The following FILIP1 variants were observed in gnomAD, a reference collection of about 807,000 sequenced individuals.
FILIP1 encodes filamin A interacting protein 1, also known as filamin-A-interacting protein 1.
Under a neutral mutation model 102.1 loss-of-function variants are expected in FILIP1, and 61 were observed. That is an observed-to-expected ratio of 0.60 (90% CI 0.49 to 0.74). The LOEUF is 0.74. Ranked by LOEUF, FILIP1 falls within the 30% of genes least tolerant of loss-of-function variation. The probability of loss-of-function intolerance (pLI) is 0.00; values close to 1 mark genes in which losing one functional copy is unlikely to be tolerated. For missense variants in FILIP1, 1,314 were observed against 1,441.2 expected, an observed-to-expected ratio of 0.91 and a Z score of 1.43; for synonymous variants, 491 against 526.9, an observed-to-expected ratio of 0.93 and a Z score of 0.93.
chr6:75,308,939 G>T lies in FILIP1; in HGVS notation c.3436-42C>A. 3 of 1,605,402 alleles carry T rather than the reference G, an allele frequency of 1.9e-6. No individual in the cohort carries two copies. The South Asian group carries it at 3.3e-5, about 18-fold the overall frequency. On this transcript the variant is annotated intron_variant, in intron 5 of 5. Transcript: ENST00000237172. ...ACGTAGATACAAGGGAGATGTTGGT[G>T]AGTTTCCTCTGGATATGCCATCAAT...
intron 2 of FILIP1, among the ~76,000 whole-genome samples, chr6:75,380,339 T>C (rs1163708934): frequency 7.3e-6 from 1 of 137,312 alleles, no homozygotes; most frequent in East Asian, 1.9e-4. Context: ...AAGGTATAAA[T>C]AGACAGTTCA....
chr6:75,323,432 G>A (rs1015101349), intron 4 of FILIP1, among the ~76,000 whole-genome samples: 2 of 152,184 alleles, frequency 1.3e-5, no homozygotes, highest in African/African-American at 4.8e-5. Context: ...GATAAAGGGA[G>A]AAAGATTGTA....
intron 1 of FILIP1, among the ~76,000 whole-genome samples, chr6:75,486,793 A>G (rs540576394): frequency 6.6e-6 from 1 of 152,288 alleles, no homozygotes; most frequent in South Asian, 2.1e-4. Context: ...CCTGGCACAT[A>G]GTAATATTCT....
At chr6:75,406,655 A>G (rs1776857249) in intron 2 of FILIP1, among the ~76,000 whole-genome samples, 2 of 130,524 alleles carry the variant, frequency 1.5e-5, no homozygotes, top group South Asian at 2.5e-4. Context: ...TCGAATAGCA[A>G]TGTTTCTTTT....
Position 75,312,567 on chromosome 6 carries a change from C to G in FILIP1, c.3265G>C (p.Val1089Leu). The G allele has an allele frequency of 5.6e-6, 9 of 1,614,246 alleles. No homozygotes were observed. The highest frequency in any genetic ancestry group is 7.6e-6 in the Non-Finnish European group (9 of 1,180,040). Residue 1089 changes from valine to leucine, a missense_variant, in exon 5 of 6, where the codon GTT (valine) becomes CTT (leucine). Around this residue, in one of 3 missense-constraint regions of FILIP1, gnomAD observed 816 missense variants for 913.1 expected, o/e 0.89. Transcript: ENST00000237172. ...PGTSGEGVSP[V>L]ITVRPVNVTA... ...ACGTTTACTGGTCGGACAGTAATAA[C>G]TGGACTGACTCCTTCACCTGAAGTC...
rs766142448 is a variant in FILIP1 at position 75,312,397 on chromosome 6, CACT to C, written c.3432_3434del (p.Val1145del). 3.1e-6 allele frequency: 5 copies of C among 1,611,986 alleles called. No homozygotes were observed. The African/African-American group carries it at 6.7e-5, about 22-fold the overall frequency. ...GCGCTTTGGAGCCTCTTCTACTCAC[CACT>C]GACTGGGTTCCTCGAGCAGATGACG... On this transcript the variant is annotated inframe_deletion and splice_region_variant, in exon 5 of 6. Transcript: ENST00000237172.
intron 2 of FILIP1, among the ~76,000 whole-genome samples, chr6:75,406,040 A>G (rs1448631207): frequency 6.6e-6 from 1 of 152,182 alleles, no homozygotes; most frequent in Admixed American, 6.5e-5. Context: ...AATGTTCCCA[A>G]TGAAATTAAA....
At position 75,313,716 on chromosome 6, in the gene FILIP1, G is replaced by C; in HGVS notation, c.2116C>G (p.Leu706Val). The C allele has an allele frequency of 2.6e-6, 4 of 1,565,290 alleles. No individual in the cohort carries two copies. The highest frequency in any genetic ancestry group is 3.4e-6 in the Non-Finnish European group (4 of 1,160,876). The stretch of plus-strand genomic sequence containing the variant: ...TCTTCCAACCGAAATCTGTGTCTCA[G>C]TTCAGCTTCCTGGCTCACAACCTCA... ...KGEVVSQEAE[L>V]RHRFRLEEAK... Residue 706 changes from leucine to valine, a missense_variant, in exon 5 of 6, where the codon CTG (leucine) becomes GTG (valine). By Grantham distance (32) the Leu-to-Val change is conservative. Coordinates refer to ENST00000237172, the MANE Select transcript of FILIP1 (RefSeq NM_015687.5). This position sits in a 1 kb window ranked among gnomAD's most constrained non-coding sequence, Gnocchi z 4.2.
chr6:75,318,228 C>CTTTTTTTTT (rs35536817), intron 4 of FILIP1, among the ~76,000 whole-genome samples: 1 of 102,894 alleles, frequency 9.7e-6, no homozygotes, highest in Non-Finnish European at 2.0e-5. Flanking sequence ...ATTATACAGT[C>CTTTTTTTTT]TTTTTTTTTT....
Position 75,362,926 on chromosome 6 carries a change from G to T in FILIP1, c.277-9C>A, listed in dbSNP as rs770982257. Reference sequence around the variant, plus strand: ...ATCACATCTTCTCTGGCCTGTAATAGAAAGTGCAGCAAGATCAGACGACTG... The same window carrying T: ...ATCACATCTTCTCTGGCCTGTAATATAAAGTGCAGCAAGATCAGACGACTG... On this transcript the variant is annotated splice_polypyrimidine_tract_variant and intron_variant, in intron 2 of 5. Coordinates refer to ENST00000237172, the MANE Select transcript of FILIP1 (RefSeq NM_015687.5). 3.7e-6 allele frequency: 6 copies of T among 1,612,650 alleles called. No individual in the cohort carries two copies. In the South Asian group the frequency reaches 6.6e-5, roughly 18 times the overall value.
intron 1 of FILIP1, among the ~76,000 whole-genome samples, chr6:75,462,543 A>C (rs1396250519): frequency 6.6e-6 from 1 of 152,106 alleles, no homozygotes; most frequent in African/African-American, 2.4e-5. Context: ...ATAAGGTTAA[A>C]TCTTATTAAA....
In FILIP1 at chr6:75,314,980, G is replaced by T; in HGVS notation, c.852C>A (p.Ala284=). The change falls in exon 5 of 6, where the codon GCC becomes GCA. Residue 284 remains alanine, a synonymous_variant. Coordinates refer to ENST00000237172, the MANE Select transcript of FILIP1 (RefSeq NM_015687.5). ...KLREEEEKLK[A]ITSKSKEDRQ... ...TGTCTTCTTTGGATTTGGAAGTAAT[G>T]GCTTTGAGCTTCTCTTCTTCTTCCC... 1 of 1,613,998 alleles carries T rather than the reference G, an allele frequency of 6.2e-7. No individual in the cohort carries two copies. The highest frequency in any genetic ancestry group is 1.1e-5 in the South Asian group (1 of 91,048).
chr6:75,425,995 T>C (rs1237886467), intron 1 of FILIP1, among the ~76,000 whole-genome samples: 1 of 152,144 alleles, frequency 6.6e-6, no homozygotes, highest in Non-Finnish European at 1.5e-5. Flanking sequence ...ATTAAATATT[T>C]TAGGCTTTGC....
intron 4 of FILIP1, among the ~76,000 whole-genome samples, chr6:75,320,414 C>CA (rs748694216): frequency 4.1e-4 from 62 of 151,534 alleles, no homozygotes; most frequent in African/African-American, 1.1e-3. Context: ...CAAAACAAAG[C>CA]AAAAAAACAA....
intron 1 of FILIP1, among the ~76,000 whole-genome samples, chr6:75,489,575 A>G (rs1011343504): frequency 3.3e-5 from 5 of 152,108 alleles, no homozygotes; most frequent in Non-Finnish European, 7.4e-5. Context: ...TGTTCAAAAA[A>G]ACTTCATAAG....
chr6:75,311,409 T>C lies in FILIP1; in HGVS notation c.3435+988A>G, dbSNP rs909085782. On this transcript the variant is annotated intron_variant, in intron 5 of 5. Coordinates refer to ENST00000237172, the MANE Select transcript of FILIP1 (RefSeq NM_015687.5). ...ATGTTTTGCCCTGTTCCCAGGCTGG[T>C]AGAATTTAAGTTCCGGCTTTTGTGC... Among the ~76,000 whole-genome samples, 3 of 151,324 alleles carry C rather than the reference T, an allele frequency of 2.0e-5. No homozygotes were observed. The Admixed American group carries it at 2.0e-4, about 10-fold the overall frequency.
At chr6:75,332,388 G>T (rs1357665176) in intron 4 of FILIP1, among the ~76,000 whole-genome samples, 1 of 152,272 alleles carries the variant, frequency 6.6e-6, no homozygotes, top group African/African-American at 2.4e-5. Context: ...CCAGGTGAAT[G>T]AATTTACCTA....
intron 4 of FILIP1, among the ~76,000 whole-genome samples, chr6:75,343,888 C>T (rs998733554): frequency 6.6e-6 from 1 of 152,120 alleles, no homozygotes; most frequent in Non-Finnish European, 1.5e-5. Context: ...AAGAACAGAG[C>T]CACCCAGATT....
intron 4 of FILIP1, among the ~76,000 whole-genome samples, chr6:75,328,581 C>T (rs1299137680): frequency 6.6e-6 from 1 of 152,152 alleles, no homozygotes; most frequent in East Asian, 1.9e-4. Context: ...TTCGGCCTCC[C>T]GGGTTTAAGC....
Sources: allele counts gnomAD v4.1 joint callset (sites outside exome capture counted in the v4.1 genomes callset), GRCh38; gene constraint gnomAD v4.1.1; regional missense constraint gnomAD v4.1.1; non-coding constraint Gnocchi (gnomAD v3.1); transcripts MANE v1.5; gene names NCBI Gene and HGNC (gene_info 2026-07-23, HGNC 2026-07-21).